The following CSNK1G3 variants were observed in gnomAD, a reference collection of about 807,000 sequenced individuals.
The protein encoded by CSNK1G3 is casein kinase 1 gamma 3.
In CSNK1G3, 23 loss-of-function variants were observed where a neutral mutation model predicts 64.3. The observed-to-expected ratio is 0.36, with a 90% CI of 0.26 to 0.51. CSNK1G3 has a LOEUF of 0.51. CSNK1G3 is among the 20% of genes least tolerant of loss of function. The probability of loss-of-function intolerance (pLI) is 0.96; values close to 1 mark genes in which losing one functional copy is unlikely to be tolerated. For synonymous variants in CSNK1G3, 158 were observed against 162.2 expected (o/e 0.97, Z 0.20); for missense variants, 357 against 510.5 (o/e 0.70, Z 2.90).
intron 9 of CSNK1G3, 101 bp downstream of exon 9, chr5:123,590,659 A>G: frequency 1.3e-6 from 1 of 744,930 alleles, no homozygotes; most frequent in South Asian, 3.0e-5. Context: ...TAGTTGTTTT[A>G]AAGGATTCAT....
intron 1 of CSNK1G3, among the ~76,000 whole-genome samples, chr5:123,513,084 G>A (rs1238022801): frequency 6.6e-6 from 1 of 152,128 alleles, no homozygotes; most frequent in Non-Finnish European, 1.5e-5. Context: ...CTTCCCGTTG[G>A]AGTGTTTAAG....
intron 1 of CSNK1G3, among the ~76,000 whole-genome samples, chr5:123,523,350 G>A (rs1778481606): frequency 6.6e-6 from 1 of 152,018 alleles, no homozygotes; most frequent in African/African-American, 2.4e-5. Flanking sequence ...TTGATATTTA[G>A]GACAAAATTA....
intron 4 of CSNK1G3, among the ~76,000 whole-genome samples, chr5:123,570,044 C>G (rs1373094462): frequency 6.6e-6 from 1 of 152,104 alleles, no homozygotes; most frequent in Non-Finnish European, 1.5e-5. Flanking sequence ...ACTTTGTATT[C>G]CTGGATTAAA....
chr5:123,594,339 G>C (rs771505629), intron 10 of CSNK1G3, among the ~76,000 whole-genome samples: 1 of 152,072 alleles, frequency 6.6e-6, no homozygotes, highest in African/African-American at 2.4e-5. Context: ...AAAACATCAA[G>C]AATTTTCAGA....
intron 1 of CSNK1G3, among the ~76,000 whole-genome samples, chr5:123,512,807 C>G (rs1200227278): frequency 6.6e-6 from 1 of 150,818 alleles, no homozygotes; most frequent in Non-Finnish European, 1.5e-5. Flanking sequence ...GCGCGGAGGG[C>G]TAGGGGGCAG....
At chr5:123,539,074 T>A (rs1389678679) in intron 1 of CSNK1G3, among the ~76,000 whole-genome samples, 1 of 152,172 alleles carries the variant, frequency 6.6e-6, no homozygotes, top group Non-Finnish European at 1.5e-5. Flanking sequence ...CCTCAAGCAA[T>A]CCTCCAGGCT....
intron 6 of CSNK1G3, among the ~76,000 whole-genome samples, chr5:123,583,828 T>C (rs1045117404): frequency 1.2e-4 from 18 of 152,126 alleles, no homozygotes; most frequent in African/African-American, 4.1e-4. Flanking sequence ...TACAGGTGCA[T>C]GCCAACACAC....
intron 6 of CSNK1G3, among the ~76,000 whole-genome samples, chr5:123,583,714 C>CT (rs1332284120): frequency 6.6e-6 from 1 of 151,700 alleles, no homozygotes; most frequent in African/African-American, 2.4e-5. Context: ...GGGTCTTGCT[C>CT]TGTCACCCAG....
chr5:123,588,691 A>G (rs1334220830), intron 8 of CSNK1G3, among the ~76,000 whole-genome samples, 180 bp downstream of exon 8: 1 of 152,154 alleles, frequency 6.6e-6, no homozygotes, highest in Middle Eastern at 3.2e-3. Flanking sequence ...TTGCTTTGCA[A>G]ATGGTATTAA....
intron 2 of CSNK1G3, among the ~76,000 whole-genome samples, chr5:123,551,914 C>G: frequency 6.6e-6 from 1 of 152,194 alleles, no homozygotes; most frequent in South Asian, 2.1e-4. Context: ...TTTTAGTGTA[C>G]TTATACATTA....
Position 123,550,756 on chromosome 5 carries a change from A to T in CSNK1G3, c.179-2351A>T, listed in dbSNP as rs181868398. On this transcript the variant is annotated intron_variant, in intron 2 of 12. Coordinates refer to ENST00000345990, the Ensembl canonical transcript of CSNK1G3. The stretch of plus-strand genomic sequence containing the variant: ...TTTTAATGGGATTCTCACTACATGC[A>T]CATTCCCTCCCTTTCAATCACACCA... 2.3e-3 allele frequency among the ~76,000 whole-genome samples: 354 copies of T among 152,332 alleles called. 3 individuals carry two copies. The highest frequency in any genetic ancestry group is 7.9e-3 in the African/African-American group (329 of 41,570).
chr5:123,605,339 C>G, exon 12 of CSNK1G3: 1 of 1,607,268 alleles, frequency 6.2e-7, no homozygotes, highest in Non-Finnish European at 8.5e-7. Flanking sequence ...GTGCGTATAG[C>G]TGCCAGAAAG....
At chr5:123,608,643 G>A (rs1483357055) in intron 12 of CSNK1G3, among the ~76,000 whole-genome samples, 1 of 152,040 alleles carries the variant, frequency 6.6e-6, no homozygotes, top group Non-Finnish European at 1.5e-5. Context: ...ATACCATTAA[G>A]TTGGTTGGAA....
chr5:123,604,037 G>A (rs1794927826), intron 10 of CSNK1G3, among the ~76,000 whole-genome samples: 1 of 152,112 alleles, frequency 6.6e-6, no homozygotes, highest in Non-Finnish European at 1.5e-5. Context: ...CTGAAGACTA[G>A]ATAATAGGTT....
intron 4 of CSNK1G3, among the ~76,000 whole-genome samples, chr5:123,572,716 A>G (rs1252954082): frequency 6.6e-6 from 1 of 152,156 alleles, no homozygotes; most frequent in Non-Finnish European, 1.5e-5. Flanking sequence ...GTGGTTTGCT[A>G]CTTTAAGGCC....
chr5:123,553,161 T>C lies in CSNK1G3; in HGVS notation c.219+14T>C. 1 of 1,243,402 alleles carries C rather than the reference T, an allele frequency of 8.0e-7. No homozygotes were observed. The allele number at this position is 1,243,402 out of a possible 1,614,324, so 77.0% of individuals were successfully genotyped here. A position where few individuals can be genotyped will look rare whatever the true frequency, so the allele number is the denominator to read the frequency against. On this transcript the variant is annotated intron_variant, in intron 3 of 12. Coordinates refer to ENST00000345990, the Ensembl canonical transcript of CSNK1G3. ...GCAATTAAGTTGGTAAGTTCCTGTT[T>C]CTTAATTTTTCTTAATGATTTCTTT... is the stretch of plus-strand genomic sequence containing the variant.
At chr5:123,547,403 TAC>T (rs943694412) in intron 2 of CSNK1G3, among the ~76,000 whole-genome samples, 10 of 152,128 alleles carry the variant, frequency 6.6e-5, no homozygotes, top group Non-Finnish European at 1.3e-4. Context: ...TTTGTGTGAA[TAC>T]ACACACATAT....
chr5:123,611,541 C>G lies in CSNK1G3; in HGVS notation c.1218-2801C>G, dbSNP rs965483085. The stretch of plus-strand genomic sequence containing the variant: ...AGAACTCAACTCTCAGAACTCAACT[C>G]TCAGAACTCTCAGTACTGGAAATAC... On this transcript the variant is annotated intron_variant, in intron 12 of 12. Coordinates refer to ENST00000345990, the Ensembl canonical transcript of CSNK1G3. Among the ~76,000 whole-genome samples, 6 of 152,178 alleles carry G rather than the reference C, an allele frequency of 3.9e-5. No individual in the cohort carries two copies. In the East Asian group the frequency reaches 1.2e-3, roughly 29 times the overall value.
chr5:123,612,670 G>A (rs530915805), intron 12 of CSNK1G3, among the ~76,000 whole-genome samples: 50 of 151,966 alleles, frequency 3.3e-4, no homozygotes, highest in Non-Finnish European at 6.6e-4. Context: ...TAGAGACAGG[G>A]TTTTACCATG....
Sources: gnomAD v4.1 joint callset for allele counts (sites outside exome capture counted in the v4.1 genomes callset) on GRCh38, gnomAD v4.1.1 for gene constraint, MANE v1.5 for transcripts, NCBI Gene and HGNC (gene_info 2026-07-23, HGNC 2026-07-21) for gene names.